The following NALF1 variants were observed in gnomAD, a reference collection of about 807,000 sequenced individuals.
NALF1 encodes the protein family with sequence similarity 155 member A.
In NALF1, 3 loss-of-function variants were observed where a neutral mutation model predicts 48.4. The observed-to-expected ratio is 0.06, with a 90% CI of 0.03 to 0.16. The LOEUF is 0.16. Among genes scored for constraint, NALF1 ranks in the 10% least tolerant of loss-of-function variants. NALF1 has a pLI of 1.00. For missense variants in NALF1, 526 were observed against 571.5 expected (o/e 0.92, Z 0.81); for synonymous variants, 262 against 245.7 (o/e 1.07, Z -0.62).
chr13:107,737,156 G>A (rs1876490712), intron 1 of NALF1, among the ~76,000 whole-genome samples: 1 of 152,096 alleles, frequency 6.6e-6, no homozygotes, highest in South Asian at 2.1e-4. Context: ...ATGAGTATAG[G>A]ATAGAGAAAC....
Position 107,566,130 on chromosome 13 carries a change from C to A in NALF1, c.915+299552G>T, listed in dbSNP as rs181875478. Among the ~76,000 whole-genome samples, 14 of 152,238 alleles carry A rather than the reference C, an allele frequency of 9.2e-5. No individual in the cohort carries two copies. In the East Asian group the frequency reaches 2.3e-3, roughly 25 times the overall value. ...TTGAAAGGCATTTCTCACCTGAAGG[C>A]AAGAATTGCTACAAAAACATTCATC... On this transcript the variant is annotated intron_variant, in intron 1 of 2. Transcript: ENST00000375915.
intron 2 of NALF1, among the ~76,000 whole-genome samples, chr13:107,205,358 C>T (rs188396932): frequency 1.3e-5 from 2 of 152,238 alleles, no homozygotes; most frequent in East Asian, 3.9e-4. Flanking sequence ...CCGTGAGATG[C>T]CAAACATTTA....
chr13:107,231,310 T>G (rs1880220976), intron 1 of NALF1, among the ~76,000 whole-genome samples: 1 of 152,184 alleles, frequency 6.6e-6, no homozygotes, highest in Non-Finnish European at 1.5e-5. Flanking sequence ...TATTTGCATA[T>G]TTTTGCCAGT....
chr13:107,578,871 G>T (rs778385979), intron 1 of NALF1, among the ~76,000 whole-genome samples: 1 of 152,052 alleles, frequency 6.6e-6, no homozygotes, highest in Admixed American at 6.6e-5. Context: ...TGCTATGTTT[G>T]TACCCTTTAG....
chr13:107,220,664 C>A (rs1309476023), intron 1 of NALF1, among the ~76,000 whole-genome samples: 5 of 152,114 alleles, frequency 3.3e-5, no homozygotes, highest in Non-Finnish European at 7.3e-5. Context: ...TCCCTGGCAT[C>A]AGAAATAGTG....
intron 1 of NALF1, among the ~76,000 whole-genome samples, chr13:107,453,763 T>C (rs1884781147): frequency 6.6e-6 from 1 of 152,256 alleles, no homozygotes; most frequent in Admixed American, 6.5e-5. Context: ...AACTTTTATG[T>C]TCTGCTCCCC....
chr13:107,383,573 G>A lies in NALF1; in HGVS notation c.916-172818C>T, dbSNP rs1419767699. ...TTCATTATTCTTACGAGGACTACATGCTTAAAAAGAAAAAAAAAAGAAGTT... is the reference window on the plus strand; with the variant it reads ...TTCATTATTCTTACGAGGACTACATACTTAAAAAGAAAAAAAAAAGAAGTT... On this transcript the variant is annotated intron_variant, in intron 1 of 2. Coordinates refer to ENST00000375915, the MANE Select transcript of NALF1 (RefSeq NM_001080396.3). Among the ~76,000 whole-genome samples, 3 of 151,722 alleles carry A rather than the reference G, an allele frequency of 2.0e-5. No individual in the cohort carries two copies. The East Asian group carries it at 5.8e-4, about 29-fold the overall frequency.
intron 1 of NALF1, among the ~76,000 whole-genome samples, chr13:107,282,863 G>C (rs1881415999): frequency 6.6e-6 from 1 of 152,326 alleles, no homozygotes; most frequent in Middle Eastern, 3.4e-3. Flanking sequence ...AAAGTTGGGT[G>C]AGATAACAAA....
Position 107,812,024 on chromosome 13 carries a change from T to C in NALF1, c.915+53658A>G, listed in dbSNP as rs188796372. On this transcript the variant is annotated intron_variant, in intron 1 of 2. Coordinates refer to ENST00000375915, the MANE Select transcript of NALF1 (RefSeq NM_001080396.3). ...TATTTTCATAAGACCTAAGAACTAA[T>C]GGAATCTAAGAAATAGAAAATATTT... Among the ~76,000 whole-genome samples the C allele has an allele frequency of 4.7e-4, 71 of 152,300 alleles. No individual in the cohort carries two copies. In the East Asian group the frequency reaches 0.012, roughly 26 times the overall value.
chr13:107,552,039 C>T (rs1877308889), intron 1 of NALF1, among the ~76,000 whole-genome samples: 1 of 152,074 alleles, frequency 6.6e-6, no homozygotes, highest in Admixed American at 6.5e-5. Context: ...TGAAAGTAAA[C>T]AGACATTTCT....
At chr13:107,416,174 A>ATTT (rs369522653) in intron 1 of NALF1, among the ~76,000 whole-genome samples, 140 of 143,732 alleles carry the variant, frequency 9.7e-4, no homozygotes, top group Middle Eastern at 3.6e-3. Context: ...GCCCGGCTAA[A>ATTT]TTTTTTTTTT....
At chr13:107,299,698 T>TTATG (rs1881802481) in intron 1 of NALF1, among the ~76,000 whole-genome samples, 1 of 151,286 alleles carries the variant, frequency 6.6e-6, no homozygotes, top group African/African-American at 2.4e-5. Flanking sequence ...ATTTATTTAT[T>TTATG]TATTTATTTA....
chr13:107,340,107 G>C lies in NALF1; in HGVS notation c.916-129352C>G, dbSNP rs148399648. On this transcript the variant is annotated intron_variant, in intron 1 of 2. Transcript: ENST00000375915. ...GATGTAGGATTTATCTGTGTCTCAT[G>C]CTCAACTGTTATTCCTCCTCTGTTT... Among the ~76,000 whole-genome samples the C allele has an allele frequency of 1.2e-3, 185 of 151,860 alleles. 4 individuals carry two copies. In the East Asian group the frequency reaches 0.033, roughly 27 times the overall value.
chr13:107,826,725 A>G (rs549281185), intron 1 of NALF1, among the ~76,000 whole-genome samples: 15 of 152,328 alleles, frequency 9.8e-5, no homozygotes, highest in Admixed American at 7.8e-4. Context: ...CCTTCTGAAG[A>G]GGAGGCAGGA....
chr13:107,791,653 A>G (rs1187454273), intron 1 of NALF1, among the ~76,000 whole-genome samples: 3 of 152,166 alleles, frequency 2.0e-5, no homozygotes, highest in Non-Finnish European at 2.9e-5. Context: ...ACAAATAATA[A>G]TGAGTTTACC....
At chr13:107,544,765 A>C (rs1226688368) in intron 1 of NALF1, among the ~76,000 whole-genome samples, 2 of 152,172 alleles carry the variant, frequency 1.3e-5, no homozygotes, top group Non-Finnish European at 2.9e-5. Context: ...CCCTGCCTTG[A>C]AGGAGAAAAA....
chr13:107,474,458 T>C (rs1178312376), intron 1 of NALF1, among the ~76,000 whole-genome samples: 2 of 152,214 alleles, frequency 1.3e-5, no homozygotes, highest in African/African-American at 2.4e-5. Flanking sequence ...ATCTTTCTCA[T>C]ATTGATACTC....
intron 1 of NALF1, among the ~76,000 whole-genome samples, chr13:107,332,750 C>T (rs1228534125): frequency 6.6e-6 from 1 of 152,208 alleles, no homozygotes; most frequent in African/African-American, 2.4e-5. Context: ...AGAGCCATTG[C>T]TCCTAGTAAA....
At chr13:107,663,048 C>T (rs1880768531) in intron 1 of NALF1, among the ~76,000 whole-genome samples, 1 of 151,916 alleles carries the variant, frequency 6.6e-6, no homozygotes, top group African/African-American at 2.4e-5. Context: ...AACATATAAC[C>T]CCCTCCTCAC....
Sources: allele counts gnomAD v4.1 joint callset (sites outside exome capture counted in the v4.1 genomes callset), GRCh38; gene constraint gnomAD v4.1.1; transcripts MANE v1.5; gene names NCBI Gene and HGNC (gene_info 2026-07-23, HGNC 2026-07-21).